ATP2B2: variants seen among roughly 807,000 people sequenced by gnomAD.
ATP2B2 encodes the protein ATPase plasma membrane Ca2+ transporting 2, also known as plasma membrane calcium-transporting ATPase 2.
Under a neutral mutation model 120.0 loss-of-function variants are expected in ATP2B2, and 15 were observed. The ratio of observed to expected loss-of-function variants is 0.12; its 90% CI spans 0.08 to 0.19. The LOEUF (loss-of-function observed/expected upper bound fraction) is 0.19. Ranked by LOEUF, ATP2B2 falls within the 10% of genes least tolerant of loss-of-function variation. ATP2B2 has a pLI of 1.00. For missense variants in ATP2B2, 1,045 were observed against 1,719.8 expected, an observed-to-expected ratio of 0.61 and a Z score of 6.94; for synonymous variants, 694 against 700.3, an observed-to-expected ratio of 0.99 and a Z score of 0.14.
intron 1 of ATP2B2, among the ~76,000 whole-genome samples, chr3:10,704,458 C>T (rs748264540): frequency 6.6e-6 from 1 of 152,170 alleles, no homozygotes; most frequent in Non-Finnish European, 1.5e-5. Context: ...AAAATAAAAA[C>T]GTGTAGCCCC....
rs115346064 is a variant in ATP2B2, at chr3:10,356,682, G to A, written c.2136+2009C>T. The stretch of plus-strand genomic sequence containing the variant: ...GTTGGGAAGGACAGGGGAGCCACAG[G>A]GTGTAGGCAGGCCAGCCTCAAGTGC... On this transcript the variant is annotated intron_variant, in intron 14 of 22. Coordinates refer to ENST00000360273, the MANE Select transcript of ATP2B2 (RefSeq NM_001001331.4). Among the ~76,000 whole-genome samples the A allele has an allele frequency of 2.0e-3, 304 of 152,312 alleles. 1 individual carries two copies. Among genetic ancestry groups the A allele is most frequent in the African/African-American group, 6.1e-3 (253 of 41,560 alleles).
At chr3:10,407,388 C>T (rs2062451245) in intron 3 of ATP2B2, among the ~76,000 whole-genome samples, 1 of 152,224 alleles carries the variant, frequency 6.6e-6, no homozygotes, top group African/African-American at 2.4e-5. Context: ...AAGTCCCTCC[C>T]TGCCTTCCTT....
chr3:10,420,199 G>A (rs1336835529), intron 2 of ATP2B2, among the ~76,000 whole-genome samples: 1 of 152,172 alleles, frequency 6.6e-6, no homozygotes, highest in Admixed American at 6.5e-5. Context: ...AGACAGAGTG[G>A]GTAGCTTGCA....
chr3:10,477,515 A>C (rs575780044), intron 1 of ATP2B2, among the ~76,000 whole-genome samples: 24 of 152,246 alleles, frequency 1.6e-4, no homozygotes, highest in Non-Finnish European at 2.9e-5. Context: ...TCCTCTTCCC[A>C]AACTGAAGTT....
chr3:10,405,745 T>G (rs2062389582), intron 3 of ATP2B2, among the ~76,000 whole-genome samples: 1 of 152,212 alleles, frequency 6.6e-6, no homozygotes, highest in African/African-American at 2.4e-5. Flanking sequence ...CCTGTCTGCA[T>G]GTTCACCAGT....
intron 3 of ATP2B2, among the ~76,000 whole-genome samples, chr3:10,406,088 T>C (rs1199273263): frequency 6.6e-6 from 1 of 152,176 alleles, no homozygotes; most frequent in Non-Finnish European, 1.5e-5. Context: ...GCTTTCTCAG[T>C]GATGAGTATG....
In ATP2B2 at chr3:10,345,429, G is replaced by A. The variant is rs145040618; in HGVS notation, c.2658C>T (p.Asn886=). 237 of 1,614,098 alleles carry A rather than the reference G, an allele frequency of 1.5e-4. 1 individual carries two copies. The African/African-American group carries it at 2.7e-3, about 18-fold the overall frequency. ...TGAAGGCCACAATCACGGCCACCAC[G>A]TTGACGGTGAGCTGGAACTGCAAGA... The part of the protein sequence containing the change: ...SKFLQFQLTV[N]VVAVIVAFTG... The change falls in exon 18 of 23, where the codon AAC becomes AAT. Residue 886 remains asparagine (N), a synonymous_variant. Transcript: ENST00000360273.
intron 1 of ATP2B2, among the ~76,000 whole-genome samples, chr3:10,470,114 T>C (rs9310364): frequency 0.02 from 3,051 of 152,110 alleles, 111 homozygotes; most frequent in African/African-American, 0.069. Context: ...AAGGAATCAC[T>C]TGAAGTGACC....
intron 8 of ATP2B2, among the ~76,000 whole-genome samples, chr3:10,382,648 C>T (rs1348045663): frequency 1.3e-5 from 2 of 151,922 alleles, no homozygotes; most frequent in East Asian, 1.9e-4. Flanking sequence ...TGAGTCATTG[C>T]GCCCGGCCTC....
chr3:10,383,579 T>C (rs746526511), intron 8 of ATP2B2, among the ~76,000 whole-genome samples: 22 of 152,234 alleles, frequency 1.4e-4, no homozygotes, highest in Admixed American at 2.6e-4. Flanking sequence ...CAGCCAGGTC[T>C]GGGTTCTGGG....
chr3:10,635,391 G>GCATTTC lies in ATP2B2; in HGVS notation c.-459-15436_-459-15431dup, dbSNP rs2069994276. On this transcript the variant is annotated intron_variant, in intron 1 of 21. Coordinates refer to the ATP2B2 transcript ENST00000646379. This position sits in a 1 kb window ranked among gnomAD's most constrained non-coding sequence, Gnocchi z 4.3. ...CAGAAAACAGCTCTAAAAGCCTCCT[G>GCATTTC]CATTTCCCTTCCCTCCTCCAGTGAC... is the stretch of plus-strand genomic sequence containing the variant. Among the ~76,000 whole-genome samples the GCATTTC allele has an allele frequency of 1.3e-5, 2 of 152,130 alleles. No individual in the cohort carries two copies. The highest frequency in any genetic ancestry group is 4.2e-4 in the South Asian group (2 of 4,812).
At chr3:10,506,958 G>C (rs762943234), upstream of ATP2B2, among the ~76,000 whole-genome samples, 1 of 152,230 alleles carries the variant, frequency 6.6e-6, no homozygotes, top group Non-Finnish European at 1.5e-5. Context: ...AGGGGCCACG[G>C]GAGGGAGACA....
chr3:10,643,073 C>CAAT (rs887582123), intron 1 of ATP2B2, among the ~76,000 whole-genome samples: 8 of 152,142 alleles, frequency 5.3e-5, no homozygotes, highest in African/African-American at 1.9e-4. Context: ...CACACAACAA[C>CAAT]AACAACAACA....
chr3:10,646,129 T>A (rs1023732212), intron 1 of ATP2B2, among the ~76,000 whole-genome samples: 1 of 152,184 alleles, frequency 6.6e-6, no homozygotes, highest in African/African-American at 2.4e-5. Flanking sequence ...CTGGCCGATA[T>A]CAATGTTTGT....
At chr3:10,642,106 G>C (rs577141042) in intron 1 of ATP2B2, among the ~76,000 whole-genome samples, 181 of 152,226 alleles carry the variant, frequency 1.2e-3, no homozygotes, top group African/African-American at 4.1e-3. Flanking sequence ...TTGTAGTTAA[G>C]AGCATGGACT....
chr3:10,461,613 G>A (rs534236099), intron 1 of ATP2B2, among the ~76,000 whole-genome samples: 1 of 152,268 alleles, frequency 6.6e-6, no homozygotes, highest in Non-Finnish European at 1.5e-5. Flanking sequence ...TAAAACACAG[G>A]TCTGCAGCCC....
Position 10,495,788 on chromosome 3 carries a change from T to C in ATP2B2, c.-320+9677A>G, listed in dbSNP as rs1459873351. 2.6e-5 allele frequency among the ~76,000 whole-genome samples: 4 copies of C among 152,214 alleles called. No individual in the cohort carries two copies. The East Asian group carries it at 7.7e-4, about 29-fold the overall frequency. On this transcript the variant is annotated intron_variant, in intron 1 of 22. Coordinates refer to ENST00000360273, the MANE Select transcript of ATP2B2 (RefSeq NM_001001331.4). ...CACCACACTGACCCCATTTTGTAGA[T>C]AAGGAAACTGAGGCTCTGGAAGCTC...
In ATP2B2 at chr3:10,567,898, A is replaced by G. The variant is rs558869702; in HGVS notation, c.-414-33765T>C. ...ATGGTGAGGATTGATGAATGGTCAA[A>G]CTGTACCGATAGGGACCATGAAGAG... is the stretch of plus-strand genomic sequence containing the variant. On this transcript the variant is annotated intron_variant, in intron 2 of 21. Transcript: ENST00000646379. Among the ~76,000 whole-genome samples the G allele has an allele frequency of 3.3e-5, 5 of 152,166 alleles. No homozygotes were observed. In the South Asian group the frequency reaches 1.0e-3, roughly 32 times the overall value.
chr3:10,464,180 T>A (rs949790021), intron 1 of ATP2B2, among the ~76,000 whole-genome samples: 1 of 152,192 alleles, frequency 6.6e-6, no homozygotes, highest in African/African-American at 2.4e-5. Context: ...ACCCGGCACC[T>A]TGAACAGATG....
Sources: gnomAD v4.1 joint callset for allele counts (sites outside exome capture counted in the v4.1 genomes callset) on GRCh38, gnomAD v4.1.1 for gene constraint, Gnocchi (gnomAD v3.1) non-coding constraint, MANE v1.5 for transcripts, NCBI Gene and HGNC (gene_info 2026-07-23, HGNC 2026-07-21) for gene names.